Variants in ZNF621 observed in about 807,000 individuals in gnomAD.
The protein encoded by ZNF621 is zinc finger protein 621.
In ZNF621, 6 loss-of-function variants were observed where a neutral mutation model predicts 12.7. That is an observed-to-expected ratio of 0.47 (90% CI 0.26 to 0.93). ZNF621 has a LOEUF of 0.93. Among genes scored for constraint, ZNF621 ranks in the 40% least tolerant of loss-of-function variants. The pLI is 0.15. For missense variants in ZNF621, 474 were observed against 524.0 expected (o/e 0.90, Z 0.93); for synonymous variants, 156 against 190.3 (o/e 0.82, Z 1.48).
In ZNF621 at chr3:40,535,032, C is replaced by G. The variant is rs1011283282; in HGVS notation, c.*1942C>G. ...GCCACTACTTTATACTTTCTCTCTT[C>G]TGTAACTTCCAAAGCATCCCTCTCA... On this transcript the variant is annotated 3_prime_UTR_variant, in exon 5 of 5. Transcript: ENST00000339296. 1 of 152,236 alleles carries G rather than the reference C, an allele frequency of 6.6e-6. No individual in the cohort carries two copies. Among genetic ancestry groups the G allele is most frequent in the South Asian group, 2.1e-4 (1 of 4,826 alleles). 9.4% of individuals were successfully genotyped at this position (152,236 alleles called of 1,614,324 possible). A position where few individuals can be genotyped will look rare whatever the true frequency, so the allele number is the denominator to read the frequency against.
Position 40,537,113 on chromosome 3 carries a change from A to C in ZNF621, c.*4023A>C, listed in dbSNP as rs778119124. On this transcript the variant is annotated 3_prime_UTR_variant, in exon 5 of 5. Coordinates refer to ENST00000339296, the MANE Select transcript of ZNF621 (RefSeq NM_198484.5). Reference sequence around the variant, plus strand: ...ATTGATAACCTTACAAACACCTTTAAGTGTTTAAGTGAAAAAGTCACATGC... The same window carrying C: ...ATTGATAACCTTACAAACACCTTTACGTGTTTAAGTGAAAAAGTCACATGC... The C allele has an allele frequency of 2.6e-5, 4 of 152,206 alleles. No homozygotes were observed. The highest frequency in any genetic ancestry group is 5.9e-5 in the Non-Finnish European group (4 of 68,040). 9.4% of individuals were successfully genotyped at this position (152,206 alleles called of 1,614,324 possible). A position where few individuals can be genotyped will look rare whatever the true frequency, so the allele number is the denominator to read the frequency against.
At chr3:40,531,953 A>G (rs1698735120) in intron 4 of ZNF621, 77 bp from the exon 5 acceptor site, 1 of 1,357,706 alleles carries the variant, frequency 7.4e-7, no homozygotes, top group Non-Finnish European at 1.0e-6. Flanking sequence ...TACATTCTAC[A>G]AGAGAAAATT....
chr3:40,532,177 TC>T lies in ZNF621; in HGVS notation c.408del (p.Phe136LeufsTer3), dbSNP rs1698741842. 3.1e-6 allele frequency: 5 copies of T among 1,614,114 alleles called. No homozygotes were observed. Among genetic ancestry groups the T allele is most frequent in the Non-Finnish European group, 4.2e-6 (5 of 1,180,050 alleles). On this transcript the variant is annotated frameshift_variant, in exon 5 of 5. Coordinates refer to ENST00000339296, the MANE Select transcript of ZNF621 (RefSeq NM_198484.5). LOFTEE classifies it low-confidence loss of function (END_TRUNC). ...DFKRKALKQT[F>X]NLNPNLILRG... is the part of the protein sequence containing the mutation. ...AAAAGGAAGGCACTGAAGCAGACTT[TC>T]AATCTAAATCCAAATCTGATACTTC...
intron 4 of ZNF621, 123 bp downstream of exon 4, chr3:40,530,439 C>A: frequency 1.4e-6 from 1 of 739,222 alleles, no homozygotes; most frequent in Non-Finnish European, 2.2e-6. Flanking sequence ...ACTCACTGTA[C>A]TCTCTGACCT....
intron 4 of ZNF621, among the ~76,000 whole-genome samples, chr3:40,531,399 C>CT (rs1411011794): frequency 1.3e-5 from 2 of 152,110 alleles, no homozygotes; most frequent in East Asian, 1.9e-4. Context: ...TTCTCTCCTT[C>CT]TTTTTTCTTT....
Position 40,532,512 on chromosome 3 carries a change from G to A in ZNF621, c.742G>A (p.Ala248Thr), listed in dbSNP as rs760810505. Residue 248 changes from alanine (A) to threonine (T), a missense_variant, in exon 5 of 5, where the codon GCG becomes ACG. Ala to Thr is a moderately conservative substitution (Grantham distance 58, BLOSUM62 0). Transcript: ENST00000339296. ...KECGKAFRRS[A>T]AYLQHQRLHT... ...GTGTGGAAAGGCTTTCCGTAGGAGT[G>A]CGGCATACCTGCAGCATCAGAGATT... 8.7e-6 allele frequency: 14 copies of A among 1,614,118 alleles called. No individual in the cohort carries two copies. Among genetic ancestry groups the A allele is most frequent in the Non-Finnish European group, 1.1e-5 (13 of 1,180,030 alleles).
intron 4 of ZNF621, 77 bp downstream of exon 4, chr3:40,530,393 G>A (rs1698696658): frequency 1.3e-5 from 15 of 1,169,334 alleles, no homozygotes; most frequent in Non-Finnish European, 1.9e-5. Context: ...TTCTTATGCT[G>A]CAGGGTACAA....
At position 40,527,671 on chromosome 3, in the gene ZNF621, A is replaced by G. The variant is rs192702850; in HGVS notation, c.25-1648A>G. On this transcript the variant is annotated intron_variant, in intron 2 of 4. Coordinates refer to ENST00000339296, the MANE Select transcript of ZNF621 (RefSeq NM_198484.5). ...ATATATTCCCTGCCCCTACACATGT[A>G]TATACAAGTTCTGATAGAAGTTCAA... Among the ~76,000 whole-genome samples the G allele has an allele frequency of 3.6e-4, 55 of 152,348 alleles. 1 individual carries two copies. The South Asian group carries it at 6.8e-3, about 19-fold the overall frequency.
rs760721354 is a variant in ZNF621, at chr3:40,535,228, A to T, written c.*2138A>T. 6.6e-6 allele frequency: 1 copy of T among 152,256 alleles called. No homozygotes were observed. The highest frequency in any genetic ancestry group is 1.5e-5 in the Non-Finnish European group (1 of 68,056). 9.4% of individuals were successfully genotyped at this position (152,256 alleles called of 1,614,324 possible). A position where few individuals can be genotyped will look rare whatever the true frequency, so the allele number is the denominator to read the frequency against. On this transcript the variant is annotated 3_prime_UTR_variant, in exon 5 of 5. Transcript: ENST00000339296. ...GCCCATCTACTTTTCACCTTGCCGT[A>T]TCTGATTCTTCACCACCGTATTCTC... is the stretch of plus-strand genomic sequence containing the variant.
At chr3:40,526,510 T>C (rs1698587075) in intron 2 of ZNF621, among the ~76,000 whole-genome samples, 1 of 152,154 alleles carries the variant, frequency 6.6e-6, no homozygotes, top group East Asian at 1.9e-4. Flanking sequence ...TGCCCACAAA[T>C]TGTATTGTAT....
At position 40,538,034 on chromosome 3, in the gene ZNF621, A is replaced by G. The variant is rs1232879242; in HGVS notation, c.*4944A>G. On this transcript the variant is annotated 3_prime_UTR_variant, in exon 5 of 5. Transcript: ENST00000339296. ...CTTGTTAGGGGTTCATGCAGCTGGTAACTTTAAGTTGAAGCCAATGCTCAT... is the reference window on the plus strand; with the variant it reads ...CTTGTTAGGGGTTCATGCAGCTGGTGACTTTAAGTTGAAGCCAATGCTCAT... Among the ~76,000 whole-genome samples the G allele has an allele frequency of 6.6e-6, 1 of 152,214 alleles. No homozygotes were observed. The highest frequency in any genetic ancestry group is 2.4e-5 in the African/African-American group (1 of 41,454).
At chr3:40,530,156 G>A in intron 3 of ZNF621, 53 bp from the exon 4 acceptor site, 1 of 1,494,716 alleles carries the variant, frequency 6.7e-7, no homozygotes, top group East Asian at 2.3e-5. Flanking sequence ...AAAGATCCCA[G>A]GAATAGCTCT....
At chr3:40,524,864 G>C (rs1698536267), upstream of ZNF621, 1 of 152,362 alleles carries the variant, frequency 6.6e-6, no homozygotes, top group African/African-American at 2.4e-5. Flanking sequence ...CTTCCGCAGG[G>C]CGGGGCCAGC....
At position 40,536,982 on chromosome 3, in the gene ZNF621, T is replaced by G. The variant is rs917782587; in HGVS notation, c.*3892T>G. ...TCTAAGACAGTGAGCTTAGTTGATG[T>G]GTGTGTGTGTGTTCTGATTACTCCA... On this transcript the variant is annotated 3_prime_UTR_variant, in exon 5 of 5. Transcript: ENST00000339296. 6.6e-6 allele frequency: 1 copy of G among 151,942 alleles called. No homozygotes were observed. Among genetic ancestry groups the G allele is most frequent in the Non-Finnish European group, 1.5e-5 (1 of 67,958 alleles). The allele number at this position is 151,942 out of a possible 1,614,324, so 9.4% of individuals were successfully genotyped here.
At chr3:40,526,490 T>C (rs888882391) in intron 2 of ZNF621, among the ~76,000 whole-genome samples, 31 of 152,302 alleles carry the variant, frequency 2.0e-4, no homozygotes, top group African/African-American at 7.5e-4. Flanking sequence ...AAATTCTTTA[T>C]TGGAGAGATT....
In ZNF621 at chr3:40,532,925, C is replaced by T; in HGVS notation, c.1155C>T (p.Thr385=). The change falls in exon 5 of 5, where the codon ACC becomes ACT. Residue 385 remains threonine, a synonymous_variant. Coordinates refer to ENST00000339296, the MANE Select transcript of ZNF621 (RefSeq NM_198484.5). ...SASAVAVPSL[T]FPHAVLIPTS... is the part of the protein sequence containing the mutation. Reference sequence around the variant, plus strand: ...CAGCCGTAGCTGTGCCTTCACTGACCTTTCCACATGCTGTGCTCATTCCTA... The same window carrying T: ...CAGCCGTAGCTGTGCCTTCACTGACTTTTCCACATGCTGTGCTCATTCCTA... 6.4e-7 allele frequency: 1 copy of T among 1,567,780 alleles called. No individual in the cohort carries two copies. Among genetic ancestry groups the T allele is most frequent in the Non-Finnish European group, 8.6e-7 (1 of 1,156,152 alleles).
intron 4 of ZNF621, among the ~76,000 whole-genome samples, chr3:40,531,141 C>T (rs950077997): frequency 1.3e-5 from 2 of 152,160 alleles, no homozygotes; most frequent in African/African-American, 2.4e-5. Context: ...CATCTTGTAT[C>T]CCTGAATATT....
rs1203511138 is a variant in ZNF621 at position 40,533,056 on chromosome 3, C to A, written c.1286C>A (p.Pro429Gln). The change falls in exon 5 of 5, where the codon CCA becomes CAA. Residue 429 changes from proline (P) to glutamine (Q), a missense_variant. Transcript: ENST00000339296. ...QGLTPTVKPS[P>Q]VILTPSSHSS is the part of the protein sequence containing the mutation. ...CTTACTCCCACTGTGAAACCTTCCC[C>A]AGTTATTCTCACCCCTTCTTCTCAC... is the stretch of plus-strand genomic sequence containing the variant. 1.3e-6 allele frequency: 2 copies of A among 1,551,638 alleles called. No individual in the cohort carries two copies. Among genetic ancestry groups the A allele is most frequent in the Non-Finnish European group, 1.7e-6 (2 of 1,147,004 alleles).
intron 1 of ZNF621, 59 bp from the exon 2 acceptor site, chr3:40,525,720 A>T: frequency 7.5e-7 from 1 of 1,334,368 alleles, no homozygotes; most frequent in Middle Eastern, 1.8e-4. Flanking sequence ...GGAGGGCCAT[A>T]GGTTGCTGTA....
Sources: allele counts gnomAD v4.1 joint callset (sites outside exome capture counted in the v4.1 genomes callset), GRCh38; gene constraint gnomAD v4.1.1; transcripts MANE v1.5; gene names NCBI Gene and HGNC (gene_info 2026-07-23, HGNC 2026-07-21).